The following EPB41L2 variants were observed in gnomAD, a reference collection of about 807,000 sequenced individuals.
The protein encoded by EPB41L2 is band 4.1-like protein 2.
A neutral mutation model predicts 113.0 loss-of-function variants in EPB41L2; 43 were observed. That is an observed-to-expected ratio of 0.38 (90% CI 0.30 to 0.49). The LOEUF is 0.49. Ranked by LOEUF, EPB41L2 falls within the 20% of genes least tolerant of loss-of-function variation. EPB41L2 has a pLI of 0.95. For missense variants in EPB41L2, 1,147 were observed against 1,223.4 expected, an observed-to-expected ratio of 0.94 and a Z score of 0.93; for synonymous variants, 442 against 436.7, an observed-to-expected ratio of 1.01 and a Z score of -0.15.
At chr6:130,972,061 T>C (rs978264740) in intron 1 of EPB41L2, among the ~76,000 whole-genome samples, 1 of 152,176 alleles carries the variant, frequency 6.6e-6, no homozygotes, top group Admixed American at 6.5e-5. Context: ...CAGTAGCTCA[T>C]GCCTGTAACA....
At chr6:131,012,342 AC>A (rs1371180358) in intron 1 of EPB41L2, among the ~76,000 whole-genome samples, 1 of 150,306 alleles carries the variant, frequency 6.7e-6, no homozygotes, top group Non-Finnish European at 1.5e-5. Flanking sequence ...CCTCCGCACT[AC>A]CAACATTTTA....
At chr6:131,029,917 T>A (rs77979084) in intron 1 of EPB41L2, among the ~76,000 whole-genome samples, 9 of 151,590 alleles carry the variant, frequency 5.9e-5, no homozygotes, top group African/African-American at 2.2e-4. Context: ...TTTTTTTTTT[T>A]ATGCAGCACC....
chr6:130,895,218 T>C, intron 8 of EPB41L2, 99 bp from the exon 9 acceptor site: 3 of 1,355,628 alleles, frequency 2.2e-6, no homozygotes, highest in Non-Finnish European at 3.0e-6. Flanking sequence ...GGAATGACAG[T>C]TTAACAGGTT....
At chr6:131,003,200 A>G (rs1391862148) in intron 1 of EPB41L2, among the ~76,000 whole-genome samples, 1 of 152,250 alleles carries the variant, frequency 6.6e-6, no homozygotes, top group Non-Finnish European at 1.5e-5. Flanking sequence ...AAATGACAAC[A>G]AAACCAGAAT....
chr6:130,935,098 G>T (rs972614638), intron 3 of EPB41L2, among the ~76,000 whole-genome samples: 1 of 152,058 alleles, frequency 6.6e-6, no homozygotes, highest in Non-Finnish European at 1.5e-5. Flanking sequence ...GTTGTTGACA[G>T]GAATGACACA....
At chr6:130,913,843 A>C (rs1800147327) in intron 4 of EPB41L2, among the ~76,000 whole-genome samples, 1 of 152,208 alleles carries the variant, frequency 6.6e-6, no homozygotes, top group Non-Finnish European at 1.5e-5. Context: ...TTGGTTTGAC[A>C]CTTAAGGAGG....
rs1180309851 is a variant in EPB41L2 at position 130,926,726 on chromosome 6, A to T, written c.706-17T>A. The stretch of plus-strand genomic sequence containing the variant: ...GGCATGTTTCTGGAGAAAAAATAAT[A>T]ACTTTACTTTTCAAGTACTAAAGAT... On this transcript the variant is annotated splice_polypyrimidine_tract_variant and intron_variant, in intron 3 of 19. Transcript: ENST00000337057. 6.5e-7 allele frequency: 1 copy of T among 1,540,950 alleles called. No homozygotes were observed. The highest frequency in any genetic ancestry group is 8.8e-7 in the Non-Finnish European group (1 of 1,132,936).
At chr6:130,847,432 C>T (rs1777375939) in intron 19 of EPB41L2, among the ~76,000 whole-genome samples, 1 of 152,124 alleles carries the variant, frequency 6.6e-6, no homozygotes. Context: ...TTGAACATAA[C>T]AGGCTCATAA....
intron 1 of EPB41L2, among the ~76,000 whole-genome samples, chr6:131,003,633 G>A (rs565105579): frequency 2.2e-4 from 33 of 152,028 alleles, no homozygotes; most frequent in Non-Finnish European, 8.8e-5. Flanking sequence ...GTGACTGAAC[G>A]CAAGTAACCT....
At chr6:130,848,195 TCTCTCACACA>T (rs1242218978) in intron 19 of EPB41L2, among the ~76,000 whole-genome samples, 1,602 of 110,598 alleles carry the variant, frequency 0.014, 23 homozygotes, top group African/African-American at 0.049. Flanking sequence ...TCTCTCTCTC[TCTCTCACACA>T]CACACACACA....
At chr6:130,942,224 A>C (rs1028558666) in intron 3 of EPB41L2, among the ~76,000 whole-genome samples, 2 of 152,208 alleles carry the variant, frequency 1.3e-5, no homozygotes, top group African/African-American at 4.8e-5. Context: ...AATGCACCTA[A>C]TTCCAGCTTT....
rs535987993 is a variant in EPB41L2, at chr6:130,861,270, C to T, written c.2910+2368G>A. 2.6e-3 allele frequency among the ~76,000 whole-genome samples: 391 copies of T among 151,940 alleles called. 1 individual carries two copies. Among genetic ancestry groups the T allele is most frequent in the Non-Finnish European group, 3.1e-3 (212 of 67,970 alleles). On this transcript the variant is annotated intron_variant, in intron 18 of 19. Coordinates refer to ENST00000337057, the MANE Select transcript of EPB41L2 (RefSeq NM_001431.4). ...TGTATTTTTAGTAGAGACAGGGTTT[C>T]GCTGTGTTAGCCAGGATGGTCTCCA... is the stretch of plus-strand genomic sequence containing the variant.
intron 3 of EPB41L2, among the ~76,000 whole-genome samples, chr6:130,944,162 T>TACACACACAC (rs537919934): frequency 0.035 from 4,583 of 132,700 alleles, 123 homozygotes; most frequent in East Asian, 0.07. Context: ...TATACGTACA[T>TACACACACAC]ACACACACAT....
intron 17 of EPB41L2, among the ~76,000 whole-genome samples, chr6:130,865,128 T>C (rs1026085701): frequency 6.6e-6 from 1 of 152,242 alleles, no homozygotes; most frequent in African/African-American, 2.4e-5. Context: ...ATACTAGCGA[T>C]CTTAAATGAG....
intron 14 of EPB41L2, among the ~76,000 whole-genome samples, chr6:130,873,692 C>T (rs569169111): frequency 6.6e-6 from 1 of 152,298 alleles, no homozygotes; most frequent in East Asian, 1.9e-4. Context: ...TCTCTAACTC[C>T]TGACTTCAGG....
chr6:130,863,769 T>A, intron 17 of EPB41L2, 51 bp from the exon 18 acceptor site: 1 of 1,346,780 alleles, frequency 7.4e-7, no homozygotes, highest in Non-Finnish European at 1.1e-6. Context: ...TGAAGCACGT[T>A]TACACAGTCA....
chr6:130,864,622 T>A (rs1336804712), intron 17 of EPB41L2, among the ~76,000 whole-genome samples: 1 of 152,134 alleles, frequency 6.6e-6, no homozygotes, highest in Non-Finnish European at 1.5e-5. Flanking sequence ...CATCCAACAT[T>A]TACAACTCTG....
At chr6:131,057,773 A>T (rs1331395660) in intron 1 of EPB41L2, among the ~76,000 whole-genome samples, 2 of 152,238 alleles carry the variant, frequency 1.3e-5, no homozygotes, top group Admixed American at 6.5e-5. Context: ...CCCTAAGAGC[A>T]AAGCAAGAGG....
chr6:130,870,164 T>C, intron 14 of EPB41L2, 38 bp from the exon 15 acceptor site: 6 of 1,565,724 alleles, frequency 3.8e-6, no homozygotes, highest in South Asian at 1.2e-5. Flanking sequence ...AACAAAAATA[T>C]ATGAATAAAT....
Sources: gnomAD v4.1 joint callset for allele counts (sites outside exome capture counted in the v4.1 genomes callset) on GRCh38, gnomAD v4.1.1 for gene constraint, MANE v1.5 for transcripts, NCBI Gene and HGNC (gene_info 2026-07-23, HGNC 2026-07-21) for gene names.